The following RBFOX1 variants were observed in gnomAD, a reference collection of about 807,000 sequenced individuals.
The protein encoded by RBFOX1 is RNA binding fox-1 homolog 1.
Under a neutral mutation model 57.7 loss-of-function variants are expected in RBFOX1, and 8 were observed. The ratio of observed to expected loss-of-function variants is 0.14; its 90% CI spans 0.08 to 0.25. The LOEUF is 0.25. Among genes scored for constraint, RBFOX1 ranks in the 10% least tolerant of loss-of-function variants. RBFOX1 has a pLI of 1.00. For missense variants in RBFOX1, 611 were observed against 548.5 expected (o/e 1.11, Z -1.14); for synonymous variants, 326 against 222.4 (o/e 1.47, Z -4.15).
chr16:5,767,799 C>G (rs2053839612), intron 3 of RBFOX1, among the ~76,000 whole-genome samples: 1 of 152,120 alleles, frequency 6.6e-6, no homozygotes, highest in Admixed American at 6.5e-5. Context: ...TCAGCAGTAC[C>G]AAAATGAGGG....
chr16:5,934,896 TG>T (rs1463144535), intron 4 of RBFOX1, among the ~76,000 whole-genome samples: 1 of 152,222 alleles, frequency 6.6e-6, no homozygotes, highest in Admixed American at 6.5e-5. Context: ...GCTGGCCCTG[TG>T]GGCATTTATT....
intron 4 of RBFOX1, among the ~76,000 whole-genome samples, chr16:7,179,397 G>A (rs1345967227): frequency 6.6e-6 from 1 of 152,084 alleles, no homozygotes; most frequent in South Asian, 2.1e-4. Flanking sequence ...AATTTTCTCT[G>A]CCTTCCATCT....
At chr16:5,626,563 A>G (rs1395696422) in intron 3 of RBFOX1, among the ~76,000 whole-genome samples, 1 of 152,202 alleles carries the variant, frequency 6.6e-6, no homozygotes, top group Non-Finnish European at 1.5e-5. Flanking sequence ...CCTAACCAAA[A>G]AGATCCTGGA....
chr16:7,365,929 A>G (rs1472473087), intron 4 of RBFOX1, among the ~76,000 whole-genome samples: 2 of 152,182 alleles, frequency 1.3e-5, no homozygotes, highest in Non-Finnish European at 2.9e-5. Flanking sequence ...TCCACAAACT[A>G]GCTTCCTGCA....
At chr16:5,933,169 C>G (rs2059100850) in intron 4 of RBFOX1, among the ~76,000 whole-genome samples, 1 of 152,172 alleles carries the variant, frequency 6.6e-6, no homozygotes, top group South Asian at 2.1e-4. Context: ...AAATAATTTC[C>G]TTAGCACGTT....
chr16:6,020,700 G>C (rs1596436053), intron 1 of RBFOX1, among the ~76,000 whole-genome samples: 1 of 108,982 alleles, frequency 9.2e-6, no homozygotes, highest in African/African-American at 3.9e-5. Flanking sequence ...GTGCAGGCCA[G>C]GGGGGGGCTT....
chr16:7,243,499 C>T (rs1016656093), intron 4 of RBFOX1, among the ~76,000 whole-genome samples: 13 of 152,132 alleles, frequency 8.5e-5, no homozygotes, highest in Non-Finnish European at 1.8e-4. Context: ...TATGTTGTGG[C>T]TAAGCAGAAG....
At chr16:7,276,652 A>G (rs1296889162) in intron 4 of RBFOX1, among the ~76,000 whole-genome samples, 1 of 152,136 alleles carries the variant, frequency 6.6e-6, no homozygotes, top group Non-Finnish European at 1.5e-5. Context: ...ATTCCTGGGC[A>G]GGTTACCTCT....
At chr16:5,607,003 G>A (rs2151229017) in intron 3 of RBFOX1, among the ~76,000 whole-genome samples, 1 of 152,284 alleles carries the variant, frequency 6.6e-6, no homozygotes, top group African/African-American at 2.4e-5. Flanking sequence ...TGATTGTCTG[G>A]ATCCAATTTG....
chr16:6,805,100 A>T (rs1023164222), intron 3 of RBFOX1, among the ~76,000 whole-genome samples: 1 of 152,174 alleles, frequency 6.6e-6, no homozygotes, highest in East Asian at 1.9e-4. Flanking sequence ...GTGAATGTTC[A>T]CTGCAGCATT....
chr16:6,681,279 C>T lies in RBFOX1; in HGVS notation c.-16+26629C>T, dbSNP rs142998642. Among the ~76,000 whole-genome samples the T allele has an allele frequency of 4.2e-3, 638 of 152,254 alleles. 4 individuals are homozygous for T. Among genetic ancestry groups the T allele is most frequent in the African/African-American group, 0.015 (610 of 41,536 alleles). The stretch of plus-strand genomic sequence containing the variant: ...GTTGCAGTGAGCCAGGATCACACCA[C>T]TGCACTCCAGTTTAGGTGACAGAGC... On this transcript the variant is annotated intron_variant, in intron 3 of 15. Transcript: ENST00000550418.
intron 1 of RBFOX1, among the ~76,000 whole-genome samples, chr16:6,071,132 G>A (rs2095832213): frequency 6.6e-6 from 1 of 152,124 alleles, no homozygotes; most frequent in Non-Finnish European, 1.5e-5. Flanking sequence ...CTACCAGCCT[G>A]GGTAACATGG....
At chr16:7,238,052 G>T (rs184532508) in intron 4 of RBFOX1, among the ~76,000 whole-genome samples, 1 of 152,316 alleles carries the variant, frequency 6.6e-6, no homozygotes, top group African/African-American at 2.4e-5. Flanking sequence ...GATGAACCTT[G>T]AGGACATTAT....
At chr16:7,046,460 A>C (rs2047976338) in intron 3 of RBFOX1, among the ~76,000 whole-genome samples, 2 of 152,148 alleles carry the variant, frequency 1.3e-5, no homozygotes, top group Admixed American at 6.6e-5. Context: ...TTGTTTTTAC[A>C]ATTTATACAT....
At chr16:6,821,053 T>A (rs964081439) in intron 3 of RBFOX1, among the ~76,000 whole-genome samples, 1 of 152,210 alleles carries the variant, frequency 6.6e-6, no homozygotes, top group Admixed American at 6.5e-5. Context: ...GATTCCTATA[T>A]ATTTCCAGTG....
intron 4 of RBFOX1, among the ~76,000 whole-genome samples, chr16:7,465,582 AGTGGTG>A (rs1555485547): frequency 6.6e-6 from 1 of 152,216 alleles, no homozygotes. Context: ...CAAAGTTAAT[AGTGGTG>A]GTAATACTTC....
chr16:6,415,600 C>G (rs1261820451), intron 2 of RBFOX1, among the ~76,000 whole-genome samples: 1 of 152,124 alleles, frequency 6.6e-6, no homozygotes, highest in Non-Finnish European at 1.5e-5. Context: ...ACTGTGGAGG[C>G]TGAGACAGAA....
chr16:6,523,109 A>G (rs1185774523), intron 2 of RBFOX1, among the ~76,000 whole-genome samples: 1 of 152,138 alleles, frequency 6.6e-6, no homozygotes, highest in African/African-American at 2.4e-5. Flanking sequence ...GTTTGTTTGA[A>G]TTGTTCAATT....
chr16:7,558,318 C>A (rs375940164), intron 5 of RBFOX1, among the ~76,000 whole-genome samples: 26 of 152,042 alleles, frequency 1.7e-4, no homozygotes, highest in African/African-American at 5.8e-4. Context: ...TGTGCCATTG[C>A]ACTCTAGCCT....
Sources: gnomAD v4.1 joint callset for allele counts (sites outside exome capture counted in the v4.1 genomes callset) on GRCh38, gnomAD v4.1.1 for gene constraint, MANE v1.5 for transcripts, NCBI Gene and HGNC (gene_info 2026-07-23, HGNC 2026-07-21) for gene names.